GPHN: variants seen among roughly 807,000 people sequenced by gnomAD.
GPHN encodes the protein gephyrin.
Under a neutral mutation model 95.5 loss-of-function variants are expected in GPHN, and 17 were observed. The observed-to-expected ratio is 0.18, with a 90% CI of 0.12 to 0.27. The LOEUF (loss-of-function observed/expected upper bound fraction) is 0.27, where lower values mean the gene tolerates loss of function less well. Among genes scored for constraint, GPHN ranks in the 10% least tolerant of loss-of-function variants. The pLI, the probability that GPHN is intolerant of heterozygous loss-of-function variation, is 1.00. For synonymous variants in GPHN, 320 were observed against 322.5 expected, an observed-to-expected ratio of 0.99 and a Z score of 0.08; for missense variants, 660 against 978.1, an observed-to-expected ratio of 0.67 and a Z score of 4.34.
intron 18 of GPHN, among the ~76,000 whole-genome samples, chr14:67,147,084 T>TA (rs1214270962): frequency 6.6e-6 from 1 of 152,064 alleles, no homozygotes; most frequent in African/African-American, 2.4e-5. Context: ...AACATACACA[T>TA]AAAAAAATTT....
chr14:66,674,402 T>C (rs1022523024), intron 1 of GPHN, among the ~76,000 whole-genome samples: 1 of 152,080 alleles, frequency 6.6e-6, no homozygotes, highest in African/African-American at 2.4e-5. Flanking sequence ...TGGTCCTTAC[T>C]CCTATTATCT....
At chr14:67,331,509 G>T in the GPHN span, among the ~76,000 whole-genome samples, 1 of 152,118 alleles carries the variant, frequency 6.6e-6, no homozygotes, top group African/African-American at 2.4e-5. Flanking sequence ...TGTTCTGCTA[G>T]TATGAAGGCT....
chr14:67,461,643 T>C, the GPHN span, among the ~76,000 whole-genome samples: 2 of 149,156 alleles, frequency 1.3e-5, no homozygotes, highest in Admixed American at 1.3e-4. Context: ...AGCAGAGTCA[T>C]AGGAAGAAAA....
chr14:67,495,633 G>A, the GPHN span, among the ~76,000 whole-genome samples: 29 of 152,050 alleles, frequency 1.9e-4, 1 homozygote, highest in African/African-American at 6.5e-4. Flanking sequence ...CAGGTGCCCC[G>A]CCACCATGCC....
intron 1 of GPHN, among the ~76,000 whole-genome samples, chr14:66,545,356 CG>C (rs1282253020): frequency 1.4e-5 from 2 of 144,986 alleles, no homozygotes; most frequent in Admixed American, 6.7e-5. Flanking sequence ...ACCTCCCTCC[CG>C]GACGGGGCGA....
the GPHN span, among the ~76,000 whole-genome samples, chr14:67,451,161 C>T: frequency 6.6e-6 from 1 of 152,216 alleles, no homozygotes; most frequent in African/African-American, 2.4e-5. Context: ...GACCCTCCTC[C>T]TAGATTTCAG....
At chr14:67,405,487 C>T in the GPHN span, among the ~76,000 whole-genome samples, 3 of 152,128 alleles carry the variant, frequency 2.0e-5, no homozygotes, top group Non-Finnish European at 4.4e-5. Flanking sequence ...ACACCTACCC[C>T]ACCCAGTATG....
intron 2 of GPHN, among the ~76,000 whole-genome samples, chr14:66,742,929 T>C (rs569683551): frequency 6.6e-6 from 1 of 150,870 alleles, no homozygotes; most frequent in Admixed American, 6.6e-5. Context: ...GCTTGGCTAA[T>C]TTTTTTTTGT....
the GPHN span, among the ~76,000 whole-genome samples, chr14:67,669,865 T>C: frequency 9.2e-5 from 14 of 152,286 alleles, no homozygotes; most frequent in Admixed American, 8.5e-4. Flanking sequence ...TTTAAGAGGC[T>C]GAGGTGGGTG....
At chr14:67,173,031 C>T (rs968765608) in intron 21 of GPHN, among the ~76,000 whole-genome samples, 1 of 152,210 alleles carries the variant, frequency 6.6e-6, no homozygotes, top group African/African-American at 2.4e-5. Flanking sequence ...CCCTGCCCGC[C>T]AGGGGCAGAA....
At chr14:66,762,289 G>C (rs539889333) in intron 2 of GPHN, among the ~76,000 whole-genome samples, 11 of 152,174 alleles carry the variant, frequency 7.2e-5, no homozygotes, top group African/African-American at 2.6e-4. Context: ...GAATGTTAAA[G>C]CTCTTGAAAG....
the GPHN span, among the ~76,000 whole-genome samples, chr14:67,188,783 T>G: frequency 6.6e-6 from 1 of 151,580 alleles, no homozygotes; most frequent in Non-Finnish European, 1.5e-5. Context: ...TTTTCCTTCC[T>G]TCCTTCCTTC....
intron 8 of GPHN, among the ~76,000 whole-genome samples, chr14:66,941,880 G>C (rs891714752): frequency 6.6e-6 from 1 of 152,026 alleles, no homozygotes; most frequent in Non-Finnish European, 1.5e-5. Flanking sequence ...GATTATTAAG[G>C]GCTGTAAATA....
the GPHN span, among the ~76,000 whole-genome samples, chr14:67,708,888 G>A: frequency 1.3e-5 from 2 of 151,478 alleles, no homozygotes; most frequent in Admixed American, 6.6e-5. Context: ...TGCCCCTCAG[G>A]TTCAAGTGAT....
At chr14:67,620,883 GTGAC>G in the GPHN span, 1 of 1,614,056 alleles carries the variant, frequency 6.2e-7, no homozygotes, top group Non-Finnish European at 8.5e-7. Context: ...TGTAATTTGT[GTGAC>G]TGACAGAAAA....
the GPHN span, chr14:67,303,442 T>A: frequency 8.7e-7 from 1 of 1,142,858 alleles, no homozygotes; most frequent in Non-Finnish European, 1.3e-6. Context: ...ATAGTCCAGT[T>A]TAGGGAATAT....
chr14:67,386,142 C>T, the GPHN span: 1 of 152,534 alleles, frequency 6.6e-6, no homozygotes, highest in Non-Finnish European at 1.5e-5. Context: ...CAGATGAACA[C>T]CTATCGATAT....
At chr14:66,972,622 G>A (rs937617218) in intron 9 of GPHN, among the ~76,000 whole-genome samples, 13 of 151,494 alleles carry the variant, frequency 8.6e-5, no homozygotes, top group Non-Finnish European at 1.8e-4. Flanking sequence ...TTCCCATTTT[G>A]TCACATTCAA....
the GPHN span, among the ~76,000 whole-genome samples, chr14:67,372,613 G>A: frequency 6.6e-6 from 1 of 152,186 alleles, no homozygotes; most frequent in Non-Finnish European, 1.5e-5. Flanking sequence ...GGCAGATCAT[G>A]AGGTCAGGAG....
Sources: gnomAD v4.1 joint callset for allele counts (sites outside exome capture counted in the v4.1 genomes callset) on GRCh38, gnomAD v4.1.1 for gene constraint, MANE v1.5 for transcripts, NCBI Gene and HGNC (gene_info 2026-07-23, HGNC 2026-07-21) for gene names.